ANKRD54: variants seen among roughly 807,000 people sequenced by gnomAD.
The protein encoded by ANKRD54 is ankyrin repeat domain-containing protein 54.
Under a neutral mutation model 36.2 loss-of-function variants are expected in ANKRD54, and 26 were observed. The observed-to-expected ratio is 0.72, with a 90% CI of 0.53 to 1.00. ANKRD54 has a LOEUF of 1.00. ANKRD54 is among the 50% of genes least tolerant of loss of function. ANKRD54 has a pLI of 0.00. For missense variants in ANKRD54, 384 were observed against 424.3 expected, an observed-to-expected ratio of 0.91 and a Z score of 0.83; for synonymous variants, 209 against 188.4, an observed-to-expected ratio of 1.11 and a Z score of -0.89.
intron 3 of ANKRD54, among the ~76,000 whole-genome samples, chr22:37,835,385 A>T (rs1283359898): frequency 2.0e-5 from 3 of 152,014 alleles, no homozygotes; most frequent in South Asian, 2.1e-4. Context: ...AATAAATAAA[A>T]ATAAAATTAG....
chr22:37,838,532 T>A lies in ANKRD54; in HGVS notation c.443A>T (p.His148Leu). Residue 148 changes from histidine to leucine, a missense_variant, in exon 3 of 8, where the codon CAC (histidine) becomes CTC (leucine). Transcript: ENST00000215941. ...AADDKGRTAL[H>L]FASCNGNDQI... The stretch of plus-strand genomic sequence containing the variant: ...GTCATTGCCATTGCATGAGGCAAAG[T>A]GTAGAGCTGTGCGGCCCTTGTCATC... 2.5e-6 allele frequency: 4 copies of A among 1,612,476 alleles called. No individual in the cohort carries two copies. The highest frequency in any genetic ancestry group is 3.4e-6 in the Non-Finnish European group (4 of 1,179,444).
At chr22:37,842,103 C>T (rs931617392) in intron 1 of ANKRD54, among the ~76,000 whole-genome samples, 1 of 151,166 alleles carries the variant, frequency 6.6e-6, no homozygotes, top group Non-Finnish European at 1.5e-5. Flanking sequence ...ATCAATCTAA[C>T]ATGGTAAAAC....
upstream of ANKRD54, chr22:37,849,285 C>T (rs1925011368): frequency 7.2e-6 from 6 of 837,498 alleles, no homozygotes; most frequent in Non-Finnish European, 1.2e-5. Flanking sequence ...AGCCACGGAA[C>T]GCGGCTCCTC....
At chr22:37,834,007 G>A (rs905681797) in intron 3 of ANKRD54, 5 of 439,832 alleles carry the variant, frequency 1.1e-5, no homozygotes, top group African/African-American at 3.9e-5. Context: ...AGATTTGAAG[G>A]GTTAAGTAAA....
At chr22:37,832,565 G>C in intron 7 of ANKRD54, 72 bp downstream of exon 7, 1 of 1,371,314 alleles carries the variant, frequency 7.3e-7, no homozygotes, top group East Asian at 2.3e-5. Flanking sequence ...GTGTCTGGTG[G>C]CATCGGAGCA....
At position 37,844,195 on chromosome 22, in the gene ANKRD54, C is replaced by G; in HGVS notation, c.44G>C (p.Gly15Ala). The G allele has an allele frequency of 3.3e-6, 5 of 1,519,762 alleles. No homozygotes were observed. Among genetic ancestry groups the G allele is most frequent in the Non-Finnish European group, 4.4e-6 (5 of 1,142,450 alleles). 94.1% of individuals were successfully genotyped at this position (1,519,762 alleles called of 1,614,324 possible). A position where few individuals can be genotyped will look rare whatever the true frequency, so the allele number is the denominator to read the frequency against. The part of the protein sequence containing the change: ...AGDADDEPRS[G>A]HSSSEGECAV... Reference sequence around the variant, plus strand: ...GCACTCGCCCTCCGAGCTCGAGTGGCCTGAGCGCGGCTCGTCGTCCGCGTC... The same window carrying G: ...GCACTCGCCCTCCGAGCTCGAGTGGGCTGAGCGCGGCTCGTCGTCCGCGTC... The change falls in exon 1 of 8, where the codon GGC (glycine) becomes GCC (alanine). Residue 15 changes from glycine (G) to alanine (A), a missense_variant. Physicochemically the swap from Gly to Ala is moderately conservative, Grantham distance 60. Transcript: ENST00000215941.
upstream of ANKRD54, among the ~76,000 whole-genome samples, chr22:37,844,609 C>T (rs1924720557): frequency 6.6e-6 from 1 of 152,048 alleles, no homozygotes; most frequent in African/African-American, 2.4e-5. Flanking sequence ...TTTTTTGCGA[C>T]GGAGTCTCGC....
upstream of ANKRD54, chr22:37,844,371 C>CG: frequency 9.9e-7 from 1 of 1,012,150 alleles, no homozygotes; most frequent in Non-Finnish European, 1.4e-6. Context: ...GGCAACCGAG[C>CG]GGGGGCGGGC....
In ANKRD54 at chr22:37,843,934, C is replaced by T; in HGVS notation, c.305G>A (p.Gly102Glu). ...ACCGTGCACCTCCTTGCCCGTGGGC[C>T]CGAGCCGCCGGTGGGGCCTGGCAGC... Reference protein sequence around the residue: ...RRAARPHRRLGPTGKEVHALK... With the variant: ...RRAARPHRRLEPTGKEVHALK... Residue 102 changes from glycine (G) to glutamate (E), a missense_variant, in exon 1 of 8, where the codon GGG becomes GAG. By Grantham distance (98) the Gly-to-Glu change is moderately conservative. Coordinates refer to ENST00000215941, the MANE Select transcript of ANKRD54 (RefSeq NM_138797.4). The T allele has an allele frequency of 7.3e-7, 1 of 1,362,400 alleles. No homozygotes were observed. Among genetic ancestry groups the T allele is most frequent in the East Asian group, 3.2e-5 (1 of 31,668 alleles). The allele number at this position is 1,362,400 out of a possible 1,614,324, so 84.4% of individuals were successfully genotyped here. A position where few individuals can be genotyped will look rare whatever the true frequency, so the allele number is the denominator to read the frequency against.
intron 3 of ANKRD54, among the ~76,000 whole-genome samples, chr22:37,836,586 G>C (rs911607671): frequency 2.0e-5 from 3 of 151,900 alleles, no homozygotes; most frequent in Non-Finnish European, 2.9e-5. Context: ...GGGGCCAAGG[G>C]GAGGGAGAGC....
chr22:37,836,086 G>A (rs1232035121), intron 3 of ANKRD54, among the ~76,000 whole-genome samples: 2 of 150,782 alleles, frequency 1.3e-5, no homozygotes, highest in Admixed American at 6.6e-5. Context: ...CACCCGCCTC[G>A]GCCTCCCAAA....
At chr22:37,841,785 T>C (rs928570893) in intron 1 of ANKRD54, among the ~76,000 whole-genome samples, 3 of 151,396 alleles carry the variant, frequency 2.0e-5, no homozygotes, top group Admixed American at 6.6e-5. Context: ...GAGCCGGAGG[T>C]TGCAGTGAGC....
chr22:37,835,316 C>G (rs950570035), intron 3 of ANKRD54, among the ~76,000 whole-genome samples: 22 of 151,964 alleles, frequency 1.4e-4, no homozygotes, highest in African/African-American at 5.1e-4. Context: ...GAGCCAAGAT[C>G]ACACCACTGC....
chr22:37,846,654 T>G (rs1210696307), upstream of ANKRD54, among the ~76,000 whole-genome samples: 1 of 152,016 alleles, frequency 6.6e-6, no homozygotes, highest in East Asian at 1.9e-4. Context: ...AGGCTGATCT[T>G]GAGCTCCTGA....
At chr22:37,844,610 G>T (rs112367253), upstream of ANKRD54, among the ~76,000 whole-genome samples, 1 of 151,814 alleles carries the variant, frequency 6.6e-6, no homozygotes, top group Non-Finnish European at 1.5e-5. Flanking sequence ...TTTTTGCGAC[G>T]GAGTCTCGCT....
chr22:37,833,537 T>A, intron 4 of ANKRD54, 147 bp downstream of exon 4: 1 of 881,060 alleles, frequency 1.1e-6, no homozygotes, highest in East Asian at 2.7e-5. Flanking sequence ...CACAGGCTGC[T>A]GGGCAGTGCA....
chr22:37,838,894 A>G (rs568213607), intron 2 of ANKRD54, among the ~76,000 whole-genome samples: 69 of 152,254 alleles, frequency 4.5e-4, no homozygotes, highest in African/African-American at 1.6e-3. Context: ...AATCCCTAGC[A>G]TAGACAGTGG....
intron 3 of ANKRD54, among the ~76,000 whole-genome samples, chr22:37,835,566 GGAGGCCAAGGTGACAGGATCGCCT>G (rs1923416917): frequency 6.6e-6 from 1 of 152,138 alleles, no homozygotes; most frequent in Non-Finnish European, 1.5e-5. Flanking sequence ...CAATACTTTG[GGAGGCCAAGGTGACAGGATCGCCT>G]GAGCCCAAGA....
chr22:37,843,663 C>T (rs1924564143), intron 1 of ANKRD54: 3 of 272,450 alleles, frequency 1.1e-5, no homozygotes, highest in South Asian at 3.4e-4. Flanking sequence ...TGGGAAGTTT[C>T]CATTCAGAAA....
Sources: allele counts gnomAD v4.1 joint callset (sites outside exome capture counted in the v4.1 genomes callset), GRCh38; gene constraint gnomAD v4.1.1; transcripts MANE v1.5; gene names NCBI Gene and HGNC (gene_info 2026-07-23, HGNC 2026-07-21).